Variants in DENND5B observed in about 807,000 individuals in gnomAD.
DENND5B encodes DENN domain containing 5B.
A neutral mutation model predicts 140.6 loss-of-function variants in DENND5B; 34 were observed. The ratio of observed to expected loss-of-function variants is 0.24; its 90% CI spans 0.18 to 0.32. The LOEUF is 0.32. DENND5B is among the 10% of genes least tolerant of loss of function. The pLI is 1.00. For missense variants in DENND5B, 1,142 were observed against 1,560.2 expected (o/e 0.73, Z 4.52); for synonymous variants, 551 against 562.1 (o/e 0.98, Z 0.28).
At chr12:31,494,815 G>GA (rs1211305896) in intron 2 of DENND5B, among the ~76,000 whole-genome samples, 1 of 152,128 alleles carries the variant, frequency 6.6e-6, no homozygotes, top group African/African-American at 2.4e-5. Flanking sequence ...GTAACCAATG[G>GA]AAAACCTCTA....
chr12:31,409,779 AT>A (rs1257553104), intron 13 of DENND5B, among the ~76,000 whole-genome samples: 1 of 150,986 alleles, frequency 6.6e-6, no homozygotes, highest in East Asian at 2.0e-4. Context: ...ATGCCCGGCC[AT>A]TTTTTTTCTT....
chr12:31,577,690 G>A (rs180806644), intron 1 of DENND5B, among the ~76,000 whole-genome samples: 3,011 of 132,380 alleles, frequency 0.023, 48 homozygotes, highest in Non-Finnish European at 0.032. Context: ...CAGCCTGGGC[G>A]ACAGAACGAG....
intron 14 of DENND5B, among the ~76,000 whole-genome samples, chr12:31,404,922 G>A (rs1216550232): frequency 2.0e-5 from 3 of 151,852 alleles, no homozygotes; most frequent in African/African-American, 7.3e-5. Context: ...ACCACGGCCA[G>A]CTATTTTTTG....
At chr12:31,509,311 T>G (rs987657347) in intron 1 of DENND5B, among the ~76,000 whole-genome samples, 17 of 152,224 alleles carry the variant, frequency 1.1e-4, no homozygotes, top group Non-Finnish European at 2.1e-4. Flanking sequence ...TATTATCCAC[T>G]TATTCATCCC....
intron 1 of DENND5B, among the ~76,000 whole-genome samples, chr12:31,539,349 AGAG>A (rs1410460170): frequency 6.6e-6 from 1 of 152,210 alleles, no homozygotes; most frequent in Non-Finnish European, 1.5e-5. Context: ...TCTGAAAACT[AGAG>A]GAGGAGGGAA....
chr12:31,439,863 G>T (rs1943948869), intron 7 of DENND5B, among the ~76,000 whole-genome samples: 1 of 144,320 alleles, frequency 6.9e-6, no homozygotes, highest in South Asian at 2.3e-4. Flanking sequence ...CTGGGAGGTG[G>T]AGGTTGCGGT....
chr12:31,536,960 C>G (rs971229705), intron 1 of DENND5B, among the ~76,000 whole-genome samples: 1 of 151,860 alleles, frequency 6.6e-6, no homozygotes, highest in Non-Finnish European at 1.5e-5. Context: ...AACTTTTACC[C>G]CAGAATAATT....
At chr12:31,480,854 T>C (rs191816009) in intron 2 of DENND5B, among the ~76,000 whole-genome samples, 49 of 152,302 alleles carry the variant, frequency 3.2e-4, no homozygotes, top group African/African-American at 9.6e-4. Context: ...TTTGATCTAC[T>C]AAAGCAGAAG....
At chr12:31,511,990 C>A (rs1196211627) in intron 1 of DENND5B, among the ~76,000 whole-genome samples, 3 of 133,924 alleles carry the variant, frequency 2.2e-5, no homozygotes, top group African/African-American at 8.3e-5. Context: ...GTGCTCAGCT[C>A]ACTGCAACCT....
At chr12:31,452,569 A>C in intron 4 of DENND5B, 93 bp from the exon 5 acceptor site, 1 of 1,343,010 alleles carries the variant, frequency 7.4e-7, no homozygotes, top group Non-Finnish European at 9.9e-7. Flanking sequence ...CTCACACATA[A>C]TCCCAGCACT....
intron 1 of DENND5B, among the ~76,000 whole-genome samples, chr12:31,562,456 C>T (rs1229524680): frequency 1.3e-5 from 2 of 151,992 alleles, no homozygotes; most frequent in South Asian, 2.1e-4. Flanking sequence ...AATACAAATA[C>T]AAAATTAGCT....
intron 1 of DENND5B, among the ~76,000 whole-genome samples, chr12:31,508,452 A>G (rs781299557): frequency 1.1e-4 from 17 of 152,210 alleles, no homozygotes; most frequent in Non-Finnish European, 2.5e-4. Flanking sequence ...CTAATGTAAA[A>G]TATCACATTA....
chr12:31,590,522 C>T (rs1308431295), intron 1 of DENND5B, 184 bp downstream of exon 1: 1 of 731,438 alleles, frequency 1.4e-6, no homozygotes, highest in Non-Finnish European at 2.0e-6. Context: ...AGCCGCAAAG[C>T]CCGCACGCGG....
At chr12:31,539,000 A>C (rs1948601357) in intron 1 of DENND5B, among the ~76,000 whole-genome samples, 1 of 151,774 alleles carries the variant, frequency 6.6e-6, no homozygotes, top group Non-Finnish European at 1.5e-5. Context: ...ACTGCTAGAC[A>C]GACTAAGAAA....
At chr12:31,532,686 TAG>T (rs1948328826) in intron 1 of DENND5B, among the ~76,000 whole-genome samples, 1 of 152,102 alleles carries the variant, frequency 6.6e-6, no homozygotes, top group African/African-American at 2.4e-5. Context: ...AGGATAAAAT[TAG>T]ATATGGGGGA....
chr12:31,424,491 G>A (rs1467328480), intron 10 of DENND5B, 44 bp downstream of exon 10: 1 of 1,538,628 alleles, frequency 6.5e-7, no homozygotes, highest in Admixed American at 2.1e-5. Context: ...TTCTTAACAG[G>A]GCTCTTAACT....
intron 1 of DENND5B, among the ~76,000 whole-genome samples, chr12:31,568,525 A>G (rs1479930214): frequency 1.3e-5 from 2 of 152,182 alleles, no homozygotes; most frequent in Non-Finnish European, 2.9e-5. Flanking sequence ...GCCACAGCAA[A>G]CACCCATATT....
At chr12:31,493,997 G>A (rs889105994) in intron 2 of DENND5B, among the ~76,000 whole-genome samples, 1 of 151,444 alleles carries the variant, frequency 6.6e-6, no homozygotes, top group African/African-American at 2.4e-5. Flanking sequence ...TTACTTTGGG[G>A]CCCCCTGAAT....
At chr12:31,498,606 T>A (rs1946875221) in intron 1 of DENND5B, among the ~76,000 whole-genome samples, 1 of 152,166 alleles carries the variant, frequency 6.6e-6, no homozygotes, top group Admixed American at 6.5e-5. Flanking sequence ...TACACAGCTG[T>A]CTTGGCAAAT....
Sources: gnomAD v4.1 joint callset for allele counts (sites outside exome capture counted in the v4.1 genomes callset) on GRCh38, gnomAD v4.1.1 for gene constraint, MANE v1.5 for transcripts, NCBI Gene and HGNC (gene_info 2026-07-23, HGNC 2026-07-21) for gene names.